The following NDUFV1 variants were observed in gnomAD, a reference collection of about 807,000 sequenced individuals.
NDUFV1 encodes NADH:ubiquinone oxidoreductase core subunit V1.
NDUFV1 carries 41 observed loss-of-function variants against 48.7 expected under a neutral mutation model. The observed-to-expected ratio is 0.84, with a 90% CI of 0.66 to 1.09. The LOEUF (loss-of-function observed/expected upper bound fraction) is 1.09, where lower values mean the gene tolerates loss of function less well. Ranked by LOEUF, NDUFV1 falls within the 50% of genes least tolerant of loss-of-function variation. The pLI, the probability that NDUFV1 is intolerant of heterozygous loss-of-function variation, is 0.00. For missense variants in NDUFV1, 580 were observed against 645.4 expected (o/e 0.90, Z 1.10); for synonymous variants, 231 against 259.1 (o/e 0.89, Z 1.04).
Position 67,610,483 on chromosome 11 carries a change from A to C in NDUFV1, c.613A>C (p.Ile205Leu). Reference sequence around the variant, plus strand: ...TGTGGTGCGCGGGGCTGGGGCCTACATCTGTGGAGAGGAGACAGCGCTCAT... The same window carrying C: ...TGTGGTGCGCGGGGCTGGGGCCTACCTCTGTGGAGAGGAGACAGCGCTCAT... Reference protein sequence around the residue: ...VFVVRGAGAYICGEETALIES... With the variant: ...VFVVRGAGAYLCGEETALIES... The change falls in exon 5 of 10, where the codon ATC becomes CTC. Residue 205 changes from isoleucine to leucine, a missense_variant. Ile to Leu is a conservative substitution (Grantham distance 5). Transcript: ENST00000322776. 1 of 1,614,108 alleles carries C rather than the reference A, an allele frequency of 6.2e-7. No individual in the cohort carries two copies.
rs1372091210 is a variant in NDUFV1 at position 67,611,448 on chromosome 11, G to A, written c.959G>A (p.Gly320Asp). 6.2e-7 allele frequency: 1 copy of A among 1,614,172 alleles called. No homozygotes were observed. Among genetic ancestry groups the A allele is most frequent in the East Asian group, 2.2e-5 (1 of 44,878 alleles). Reference sequence around the variant, plus strand: ...GACAACCTCCTTGCTGTGATCCCTGGCGGCTCGTCTACCCCACTGATCCCC... The same window carrying A: ...GACAACCTCCTTGCTGTGATCCCTGACGGCTCGTCTACCCCACTGATCCCC... ...GWDNLLAVIP[G>D]GSSTPLIPKS... Residue 320 changes from glycine (G) to aspartate (D), a missense_variant, in exon 7 of 10, where the codon GGC (glycine) becomes GAC (aspartate). Physicochemically the swap from Gly to Asp is moderately conservative, Grantham distance 94 (BLOSUM62 -1). Coordinates refer to ENST00000322776, the MANE Select transcript of NDUFV1 (RefSeq NM_007103.4). The surrounding 1 kb of genome is among the most constrained non-coding windows in gnomAD (Gnocchi z 4.2).
intron 3 of NDUFV1, 117 bp downstream of exon 3, chr11:67,608,839 T>C (rs1189837131): frequency 1.4e-6 from 2 of 1,427,746 alleles, no homozygotes; most frequent in Non-Finnish European, 1.9e-6. Context: ...GGTGGGCACA[T>C]GTTCCCAGGC....
At position 67,608,113 on chromosome 11, in the gene NDUFV1, GC is replaced by G. The variant is rs552860303; in HGVS notation, c.73-282del. ...GTGGTGGTGAGTGCCTGTAATCCCAGCTATCCAGAGGCTGAGGCACAAGAAT... is the reference window on the plus strand; with the variant it reads ...GTGGTGGTGAGTGCCTGTAATCCCAGTATCCAGAGGCTGAGGCACAAGAAT... On this transcript the variant is annotated intron_variant, in intron 1 of 9. Coordinates refer to ENST00000322776, the MANE Select transcript of NDUFV1 (RefSeq NM_007103.4). 147 of 477,224 alleles carry G rather than the reference GC, an allele frequency of 3.1e-4. 1 individual carries two copies. The highest frequency in any genetic ancestry group is 2.0e-3 in the African/African-American group (103 of 51,114). 29.6% of individuals were successfully genotyped at this position (477,224 alleles called of 1,614,324 possible). A position where few individuals can be genotyped will look rare whatever the true frequency, so the allele number is the denominator to read the frequency against.
In NDUFV1 at chr11:67,611,233, T is replaced by TG. The variant is rs758278033; in HGVS notation, c.913+33dup. ...GTAAGGCCTGGGGCCAGCCAGGTGGTGGGGGGGTGCGCAGTGGGGGCAGGT... is the reference window on the plus strand; with the variant it reads ...GTAAGGCCTGGGGCCAGCCAGGTGGTGGGGGGGGTGCGCAGTGGGGGCAGGT... On this transcript the variant is annotated intron_variant, in intron 6 of 9. Coordinates refer to ENST00000322776, the MANE Select transcript of NDUFV1 (RefSeq NM_007103.4). The surrounding 1 kb of genome is among the most constrained non-coding windows in gnomAD (Gnocchi z 4.2). 231 of 1,530,462 alleles carry TG rather than the reference T, an allele frequency of 1.5e-4. No homozygotes were observed. The highest frequency in any genetic ancestry group is 1.9e-4 in the Non-Finnish European group (216 of 1,113,010). 94.8% of individuals were successfully genotyped at this position (1,530,462 alleles called of 1,614,324 possible). A position where few individuals can be genotyped will look rare whatever the true frequency, so the allele number is the denominator to read the frequency against.
chr11:67,609,482 G>A lies in NDUFV1; in HGVS notation c.357G>A (p.Glu119=), dbSNP rs1472888203. 1.2e-6 allele frequency: 2 copies of A among 1,613,630 alleles called. No individual in the cohort carries two copies. Among genetic ancestry groups the A allele is most frequent in the African/African-American group, 1.3e-5 (1 of 75,040 alleles). The change falls in exon 4 of 10, where the codon GAG becomes GAA. Residue 119 remains glutamate (E), a synonymous_variant. Coordinates refer to ENST00000322776, the MANE Select transcript of NDUFV1 (RefSeq NM_007103.4). ...RPKYLVVNAD[E]GEPGTCKDRE... Reference sequence around the variant, plus strand: ...AGTATCTGGTGGTGAACGCAGACGAGGGGGAGCCGGGCACCTGCAAGGACC... The same window carrying A: ...AGTATCTGGTGGTGAACGCAGACGAAGGGGAGCCGGGCACCTGCAAGGACC...
In NDUFV1 at chr11:67,612,301, G is replaced by A. The variant is rs370741664; in HGVS notation, c.1308+36G>A. 9.8e-4 allele frequency: 1,589 copies of A among 1,613,850 alleles called. 4 individuals carry two copies. The highest frequency in any genetic ancestry group is 1.2e-3 in the Non-Finnish European group (1,430 of 1,179,908). On this transcript the variant is annotated intron_variant, in intron 9 of 9. Coordinates refer to ENST00000322776, the MANE Select transcript of NDUFV1 (RefSeq NM_007103.4). This position sits in a 1 kb window ranked among gnomAD's most constrained non-coding sequence, Gnocchi z 4.4. ...CCCTTCTGCGTAGCACGGAGGGTGG[G>A]TGGCATCAAGGGCCCAGGGTGTTGG... is the stretch of plus-strand genomic sequence containing the variant.
Position 67,610,713 on chromosome 11 carries a change from G to A in NDUFV1, c.700+143G>A, listed in dbSNP as rs1466632902. ...AGAGTAGGCTGGCAACAACACACAG[G>A]CTCCCCCAGGGCCGCCTGCTGTCCC... On this transcript the variant is annotated intron_variant, in intron 5 of 9. Transcript: ENST00000322776. The A allele has an allele frequency of 7.5e-6, 9 of 1,194,024 alleles. No individual in the cohort carries two copies. The East Asian group carries it at 2.0e-4, about 27-fold the overall frequency. The allele number at this position is 1,194,024 out of a possible 1,614,324, so 74.0% of individuals were successfully genotyped here. A position where few individuals can be genotyped will look rare whatever the true frequency, so the allele number is the denominator to read the frequency against.
chr11:67,607,700 C>CGGCTTGTGG, intron 1 of NDUFV1: 1 of 351,542 alleles, frequency 2.8e-6, no homozygotes, highest in Non-Finnish European at 5.6e-6. Context: ...CTGCCACACT[C>CGGCTTGTGG]GGCTTGTGGG....
At chr11:67,610,750 C>T (rs1854898885) in intron 5 of NDUFV1, 180 bp downstream of exon 5, 9 of 877,142 alleles carry the variant, frequency 1.0e-5, no homozygotes, top group South Asian at 9.4e-5. Context: ...CCTCCTGCCT[C>T]GGTCCCCTCC....
chr11:67,607,029 G>T lies in NDUFV1; in HGVS notation c.25G>T (p.Gly9Cys). The T allele has an allele frequency of 1.9e-6, 3 of 1,609,670 alleles. No homozygotes were observed. Among genetic ancestry groups the T allele is most frequent in the Non-Finnish European group, 2.5e-6 (3 of 1,179,120 alleles). ...GATGCTGGCAACACGGCGGCTGCTC[G>T]GCTGGTCGCTTCCCGCGCGGGTATC... is the stretch of plus-strand genomic sequence containing the variant. MLATRRLLGWSLPARVSVR... is the reference protein window; with the variant it reads MLATRRLLCWSLPARVSVR... The change falls in exon 1 of 10, where the codon GGC (glycine) becomes TGC (cysteine). Residue 9 changes from glycine to cysteine, a missense_variant. Coordinates refer to ENST00000322776, the MANE Select transcript of NDUFV1 (RefSeq NM_007103.4).
chr11:67,607,499 G>A, intron 1 of NDUFV1: 1 of 464,686 alleles, frequency 2.2e-6, no homozygotes, highest in Non-Finnish European at 4.3e-6. Flanking sequence ...CTCAGCTGGT[G>A]CGCTCTCCAC....
rs774452611 is a variant in NDUFV1, at chr11:67,612,357, C to A, written c.1309-15C>A. The A allele has an allele frequency of 8.1e-6, 13 of 1,613,686 alleles. No individual in the cohort carries two copies. Among genetic ancestry groups the A allele is most frequent in the Non-Finnish European group, 1.1e-5 (13 of 1,179,902 alleles). ...TTTTGGACTCTGTTTCACATGGTCC[C>A]CCCACCGACCCCAGGGTCTGATCCG... On this transcript the variant is annotated splice_polypyrimidine_tract_variant and intron_variant, in intron 9 of 9. Transcript: ENST00000322776. The surrounding 1 kb of genome is among the most constrained non-coding windows in gnomAD (Gnocchi z 4.4).
chr11:67,611,229 G>T lies in NDUFV1; in HGVS notation c.913+22G>T. The stretch of plus-strand genomic sequence containing the variant: ...GCTGGTAAGGCCTGGGGCCAGCCAG[G>T]TGGTGGGGGGGTGCGCAGTGGGGGC... On this transcript the variant is annotated intron_variant, in intron 6 of 9. Transcript: ENST00000322776. The surrounding 1 kb of genome is among the most constrained non-coding windows in gnomAD (Gnocchi z 4.2). 6.2e-7 allele frequency: 1 copy of T among 1,612,242 alleles called. No individual in the cohort carries two copies. The highest frequency in any genetic ancestry group is 8.5e-7 in the Non-Finnish European group (1 of 1,178,610).
chr11:67,609,650 A>G lies in NDUFV1; in HGVS notation c.510+15A>G. On this transcript the variant is annotated intron_variant, in intron 4 of 9. Coordinates refer to ENST00000322776, the MANE Select transcript of NDUFV1 (RefSeq NM_007103.4). ...CCAATCTGCAGGTGGGTAGGGAGAG[A>G]TGTAGACAGATGAGAAGGTGTTCAG... 1.2e-6 allele frequency: 2 copies of G among 1,600,482 alleles called. No homozygotes were observed. Among genetic ancestry groups the G allele is most frequent in the Non-Finnish European group, 1.7e-6 (2 of 1,179,742 alleles).
At position 67,611,372 on chromosome 11, in the gene NDUFV1, C is replaced by T. The variant is rs1854911937; in HGVS notation, c.914-31C>T. On this transcript the variant is annotated intron_variant, in intron 6 of 9. Transcript: ENST00000322776. The surrounding 1 kb of genome is among the most constrained non-coding windows in gnomAD (Gnocchi z 4.2). Reference sequence around the variant, plus strand: ...TGTGCCGGCCCCAGCCCTGACCATGCATCCCTTTGGGGACCGACTTGGGGC... The same window carrying T: ...TGTGCCGGCCCCAGCCCTGACCATGTATCCCTTTGGGGACCGACTTGGGGC... The T allele has an allele frequency of 3.1e-6, 5 of 1,611,236 alleles. No homozygotes were observed. The East Asian group carries it at 6.7e-5, about 22-fold the overall frequency.
At chr11:67,609,372 C>G (rs1266560343) in intron 3 of NDUFV1, 80 bp from the exon 4 acceptor site, 1 of 1,479,592 alleles carries the variant, frequency 6.8e-7, no homozygotes, top group Non-Finnish European at 9.4e-7. Flanking sequence ...TGAGGCCTCC[C>G]TGGGTGGAGT....
Position 67,612,552 on chromosome 11 carries a change from C to G in NDUFV1, c.*94C>G. 1.4e-6 allele frequency: 2 copies of G among 1,404,604 alleles called. No individual in the cohort carries two copies. The highest frequency in any genetic ancestry group is 2.0e-6 in the Non-Finnish European group (2 of 1,016,138). 87.0% of individuals were successfully genotyped at this position (1,404,604 alleles called of 1,614,324 possible). ...CACCCTCCAGCTGCCGCTGCTGTGA[C>G]TGTGCTCTTTACCCTTTACCCAGCA... On this transcript the variant is annotated 3_prime_UTR_variant, in exon 10 of 10. Transcript: ENST00000322776. This position sits in a 1 kb window ranked among gnomAD's most constrained non-coding sequence, Gnocchi z 4.4.
rs1363276275 is a variant in NDUFV1 at position 67,611,329 on chromosome 11, G to A, written c.914-74G>A. ...GGTCTAGGGGCTGACTAAGGGCCTG[G>A]GCTCAGGACTAGGCAGGTGTGCCGG... is the stretch of plus-strand genomic sequence containing the variant. On this transcript the variant is annotated intron_variant, in intron 6 of 9. Coordinates refer to ENST00000322776, the MANE Select transcript of NDUFV1 (RefSeq NM_007103.4). This position sits in a 1 kb window ranked among gnomAD's most constrained non-coding sequence, Gnocchi z 4.2. The A allele has an allele frequency of 6.3e-7, 1 of 1,599,112 alleles. No homozygotes were observed. The highest frequency in any genetic ancestry group is 8.5e-7 in the Non-Finnish European group (1 of 1,171,350).
chr11:67,610,479 CT>C lies in NDUFV1; in HGVS notation c.610del (p.Tyr204ThrfsTer22). ...DVFVVRGAGA[Y>X]ICGEETALIE... is the part of the protein sequence containing the mutation. ...TGTTTGTGGTGCGCGGGGCTGGGGC[CT>C]ACATCTGTGGAGAGGAGACAGCGCT... On this transcript the variant is annotated frameshift_variant, in exon 5 of 10. Transcript: ENST00000322776. LOFTEE classifies it high-confidence loss of function. 6.2e-7 allele frequency: 1 copy of C among 1,614,186 alleles called. No individual in the cohort carries two copies. Among genetic ancestry groups the C allele is most frequent in the Non-Finnish European group, 8.5e-7 (1 of 1,180,026 alleles).
Sources: allele counts gnomAD v4.1 joint callset, GRCh38; gene constraint gnomAD v4.1.1; non-coding constraint Gnocchi (gnomAD v3.1); transcripts MANE v1.5; gene names NCBI Gene and HGNC (gene_info 2026-07-23, HGNC 2026-07-21).